MAPKBP1: variants seen among roughly 807,000 people sequenced by gnomAD.
MAPKBP1 encodes mitogen-activated protein kinase-binding protein 1.
Under a neutral mutation model 170.5 loss-of-function variants are expected in MAPKBP1, and 71 were observed. That is an observed-to-expected ratio of 0.42 (90% CI 0.34 to 0.51). The LOEUF is 0.51. MAPKBP1 is among the 20% of genes least tolerant of loss of function. MAPKBP1 has a pLI of 0.06. For missense variants in MAPKBP1, 1,598 were observed against 1,933.0 expected, an observed-to-expected ratio of 0.83 and a Z score of 3.25; for synonymous variants, 719 against 757.9, an observed-to-expected ratio of 0.95 and a Z score of 0.84.
Position 41,819,658 on chromosome 15 carries a change from G to A in MAPKBP1, c.2481+8G>A, listed in dbSNP as rs771991362. On this transcript the variant is annotated splice_region_variant and intron_variant, in intron 22 of 30. Transcript: ENST00000457542. ...CACTGGGAGATGAGTCGGGTGAGTC[G>A]CCATTGTTAAAATGTTCTTCCAAGG... 3 of 1,607,446 alleles carry A rather than the reference G, an allele frequency of 1.9e-6. No homozygotes were observed. The highest frequency in any genetic ancestry group is 1.7e-6 in the Non-Finnish European group (2 of 1,176,248).
chr15:41,774,745 G>A (rs1374565877), intron 1 of MAPKBP1, 135 bp downstream of exon 1: 2 of 399,462 alleles, frequency 5.0e-6, no homozygotes, highest in East Asian at 3.6e-5. Context: ...GGAGGCTCCC[G>A]TGGCAGAACG....
At chr15:41,806,877 C>G (rs1397433441) in intron 3 of MAPKBP1, among the ~76,000 whole-genome samples, 2 of 152,134 alleles carry the variant, frequency 1.3e-5, no homozygotes, top group African/African-American at 4.8e-5. Flanking sequence ...GAGAGGGCTC[C>G]TTGGTGCTTT....
Position 41,824,515 on chromosome 15 carries a change from G to C in MAPKBP1, c.4245G>C (p.Gln1415His), listed in dbSNP as rs752299085. ...CGGTGAGCCTGGAGCAGTGTGAGCAGCTGGTGGCAGAGCTCCGCGGCAGCG... is the reference window on the plus strand; with the variant it reads ...CGGTGAGCCTGGAGCAGTGTGAGCACCTGGTGGCAGAGCTCCGCGGCAGCG... The part of the protein sequence containing the change: ...EPAVSLEQCE[Q>H]LVAELRGSVR... The change falls in exon 30 of 31, where the codon CAG (glutamine) becomes CAC (histidine). Residue 1415 changes from glutamine (Q) to histidine (H), a missense_variant. Transcript: ENST00000457542. 2.5e-6 allele frequency: 4 copies of C among 1,602,726 alleles called. No individual in the cohort carries two copies. The highest frequency in any genetic ancestry group is 3.4e-6 in the Non-Finnish European group (4 of 1,175,080).
intron 30 of MAPKBP1, 88 bp from the exon 31 acceptor site, chr15:41,825,121 T>G (rs1446602859): frequency 1.0e-6 from 1 of 977,328 alleles, no homozygotes; most frequent in Non-Finnish European, 1.5e-6. Flanking sequence ...TAGTCCCTTC[T>G]GAGGCAGGCT....
chr15:41,800,825 T>C (rs2064579172), intron 3 of MAPKBP1, among the ~76,000 whole-genome samples: 1 of 152,264 alleles, frequency 6.6e-6, no homozygotes, highest in Non-Finnish European at 1.5e-5. Context: ...TGATCATGGC[T>C]GACTGCAGCC....
At chr15:41,786,777 A>AAAAAAAAAAATAAATATATAT in intron 2 of MAPKBP1, among the ~76,000 whole-genome samples, 1 of 32,470 alleles carries the variant, frequency 3.1e-5, no homozygotes, top group Non-Finnish European at 5.6e-5. Flanking sequence ...AAAAAAAAAA[A>AAAAAAAAAAATAAATATATAT]ATATATATAT....
chr15:41,803,511 G>A (rs556222934), intron 3 of MAPKBP1, among the ~76,000 whole-genome samples: 1 of 149,672 alleles, frequency 6.7e-6, no homozygotes, highest in African/African-American at 2.4e-5. Flanking sequence ...TTTGAAACCA[G>A]CCTGGGCAAC....
chr15:41,797,094 G>A (rs1450515722), intron 2 of MAPKBP1, among the ~76,000 whole-genome samples: 1 of 152,074 alleles, frequency 6.6e-6, no homozygotes, highest in Non-Finnish European at 1.5e-5. Context: ...CTGGTCTTTA[G>A]AGTGTTAGTA....
At chr15:41,784,048 G>A (rs74376793) in intron 2 of MAPKBP1, among the ~76,000 whole-genome samples, 4,944 of 152,244 alleles carry the variant, frequency 0.032, 133 homozygotes, top group South Asian at 0.069. Flanking sequence ...CTACGCTACT[G>A]CTTTGGAGAA....
intron 2 of MAPKBP1, among the ~76,000 whole-genome samples, chr15:41,791,839 T>C (rs1443933770): frequency 1.3e-5 from 2 of 152,114 alleles, no homozygotes; most frequent in African/African-American, 4.8e-5. Context: ...AGGTGTTGTC[T>C]GAGGTTGGGA....
At position 41,822,026 on chromosome 15, in the gene MAPKBP1, A is replaced by C; in HGVS notation, c.2947A>C (p.Ser983Arg). 1 of 1,609,768 alleles carries C rather than the reference A, an allele frequency of 6.2e-7. No homozygotes were observed. The highest frequency in any genetic ancestry group is 2.2e-5 in the East Asian group (1 of 44,680). Residue 983 changes from serine (S) to arginine (R), a missense_variant, in exon 25 of 31, where the codon AGC becomes CGC. Transcript: ENST00000457542. ...GGGAAGAGTGTACCCAGGCAGCAGG[A>C]GCTCAGAAAAGCACAGCCCTGACAG... ...TLGRVYPGSR[S>R]SEKHSPDSAC... is the part of the protein sequence containing the mutation.
chr15:41,813,465 C>A, intron 8 of MAPKBP1, 156 bp from the exon 9 acceptor site: 1 of 1,425,914 alleles, frequency 7.0e-7, no homozygotes, highest in Non-Finnish European at 9.8e-7. Context: ...CCTGGCTGGA[C>A]AGGGCTGAGG....
intron 2 of MAPKBP1, among the ~76,000 whole-genome samples, chr15:41,790,157 T>G (rs2064369693): frequency 6.6e-6 from 1 of 152,234 alleles, no homozygotes; most frequent in Non-Finnish European, 1.5e-5. Flanking sequence ...CTGTAGATCC[T>G]CTCTCTGCCC....
Position 41,816,366 on chromosome 15 carries a change from G to A in MAPKBP1, c.1494-193G>A, listed in dbSNP as rs149630262. On this transcript the variant is annotated intron_variant, in intron 12 of 30. Coordinates refer to ENST00000457542, the MANE Select transcript of MAPKBP1 (RefSeq NM_014994.3). ...TCCTAGTTTTGATAATTGCACTATC[G>A]TTATGTAAGATGTTCACATTAGGGA... The A allele has an allele frequency of 5.0e-4, 284 of 565,298 alleles. 1 individual carries two copies. The highest frequency in any genetic ancestry group is 5.0e-3 in the African/African-American group (268 of 53,642). The allele number at this position is 565,298 out of a possible 1,614,324, so 35.0% of individuals were successfully genotyped here.
chr15:41,797,553 C>G (rs2064513212), intron 2 of MAPKBP1, among the ~76,000 whole-genome samples: 1 of 152,154 alleles, frequency 6.6e-6, no homozygotes, highest in South Asian at 2.1e-4. Context: ...TTTTGTTGCT[C>G]TCCAGTCAGT....
chr15:41,824,310 C>A (rs2065052259), intron 29 of MAPKBP1, among the ~76,000 whole-genome samples, 174 bp from the exon 30 acceptor site: 2 of 152,206 alleles, frequency 1.3e-5, no homozygotes, highest in South Asian at 4.1e-4. Context: ...TCCTCTGGAC[C>A]TTGTTTGTGT....
At chr15:41,798,249 CAAAAA>C (rs1241108889) in intron 2 of MAPKBP1, among the ~76,000 whole-genome samples, 1 of 56,940 alleles carries the variant, frequency 1.8e-5, no homozygotes, top group Non-Finnish European at 3.2e-5. Flanking sequence ...GACTCTGTCT[CAAAAA>C]AAAAAAAAAA....
At chr15:41,814,159 T>C (rs1596089225) in intron 9 of MAPKBP1, among the ~76,000 whole-genome samples, 1 of 152,332 alleles carries the variant, frequency 6.6e-6, no homozygotes, top group East Asian at 1.9e-4. Flanking sequence ...GGGCTAAAGC[T>C]GTATTTGGTC....
intron 2 of MAPKBP1, among the ~76,000 whole-genome samples, chr15:41,783,683 A>G (rs772057555): frequency 5.3e-5 from 8 of 152,192 alleles, no homozygotes; most frequent in Non-Finnish European, 8.8e-5. Flanking sequence ...AGAACAGCCC[A>G]TAGGCAGTTT....
Sources: allele counts gnomAD v4.1 joint callset (sites outside exome capture counted in the v4.1 genomes callset), GRCh38; gene constraint gnomAD v4.1.1; transcripts MANE v1.5; gene names NCBI Gene and HGNC (gene_info 2026-07-23, HGNC 2026-07-21).